Variants in C12orf60 observed in about 807,000 individuals in gnomAD.
C12orf60 encodes chromosome 12 open reading frame 60.
For missense variants in C12orf60, 284 were observed against 283.2 expected (o/e 1.00, Z -0.02); for synonymous variants, 102 against 94.6 (o/e 1.08, Z -0.45).
intron 1 of C12orf60, among the ~76,000 whole-genome samples, chr12:14,809,071 A>T (rs1950098017): frequency 6.6e-6 from 1 of 152,186 alleles, no homozygotes; most frequent in Non-Finnish European, 1.5e-5. Flanking sequence ...GACAGGAGAA[A>T]ATTAGCTATA....
intron 1 of C12orf60, among the ~76,000 whole-genome samples, chr12:14,808,853 CT>C (rs1950094775): frequency 6.6e-6 from 1 of 152,200 alleles, no homozygotes; most frequent in Non-Finnish European, 1.5e-5. Context: ...AGAAAATTTC[CT>C]AATCCAATTC....
intron 1 of C12orf60, chr12:14,814,075 T>A (rs1295712308): frequency 3.3e-5 from 5 of 152,192 alleles, no homozygotes; most frequent in Non-Finnish European, 7.3e-5. Flanking sequence ...CTCCTACTAC[T>A]GAGAAACAGA....
chr12:14,804,585 A>G (rs984097355), intron 1 of C12orf60: 3 of 152,244 alleles, frequency 2.0e-5, no homozygotes, highest in African/African-American at 7.2e-5. Flanking sequence ...GAAAGCAATG[A>G]CGAGATATTG....
At position 14,823,016 on chromosome 12, in the gene C12orf60, T is replaced by G. The variant is rs1176959220; in HGVS notation, c.81T>G (p.Ala27=). ...TCTTCTTTCATGTACAAGATCTTGC[T>G]TCTGTCATAAACACACTGACTGAAT... ...KMFFFHVQDL[A]SVINTLTELF... is the part of the protein sequence containing the mutation. The change falls in exon 2 of 2, where the codon GCT becomes GCG. Residue 27 remains alanine (A), a synonymous_variant. Coordinates refer to ENST00000330828, the MANE Select transcript of C12orf60 (RefSeq NM_175874.4). 1 of 1,612,658 alleles carries G rather than the reference T, an allele frequency of 6.2e-7. No individual in the cohort carries two copies. The highest frequency in any genetic ancestry group is 1.1e-5 in the South Asian group (1 of 91,048).
At chr12:14,803,922 C>G (rs1950006473) in intron 1 of C12orf60, among the ~76,000 whole-genome samples, 171 bp downstream of exon 1, 1 of 152,132 alleles carries the variant, frequency 6.6e-6, no homozygotes, top group Non-Finnish European at 1.5e-5. Context: ...TAACATTTGC[C>G]ACTGAGTTTA....
At chr12:14,819,750 GATATGATCAT>G (rs1477249058) in intron 1 of C12orf60, among the ~76,000 whole-genome samples, 1 of 152,038 alleles carries the variant, frequency 6.6e-6, no homozygotes, top group Non-Finnish European at 1.5e-5. Context: ...TGCATCTACT[GATATGATCAT>G]ATGGTTTTTC....
intron 1 of C12orf60, among the ~76,000 whole-genome samples, chr12:14,808,150 G>A (rs1204261550): frequency 1.3e-5 from 2 of 150,528 alleles, no homozygotes; most frequent in African/African-American, 4.9e-5. Context: ...GGGCAACAGA[G>A]CGAGACTTTG....
intron 1 of C12orf60, chr12:14,806,553 A>G: frequency 6.2e-7 from 1 of 1,614,170 alleles, no homozygotes; most frequent in Non-Finnish European, 8.5e-7. Flanking sequence ...GTGCATATTT[A>G]GAACCTCAGT....
chr12:14,807,638 A>AT (rs1950073728), intron 1 of C12orf60, among the ~76,000 whole-genome samples: 1 of 152,116 alleles, frequency 6.6e-6, no homozygotes, highest in African/African-American at 2.4e-5. Context: ...TCTTTAACAA[A>AT]TTTTTTCTTG....
chr12:14,812,875 G>A (rs1205519140), intron 1 of C12orf60, among the ~76,000 whole-genome samples: 1 of 152,096 alleles, frequency 6.6e-6, no homozygotes, highest in Non-Finnish European at 1.5e-5. Context: ...CATAGTGCTG[G>A]TATATTTCCC....
Position 14,823,547 on chromosome 12 carries a change from A to C in C12orf60, c.612A>C (p.Thr204=). 6.2e-7 allele frequency: 1 copy of C among 1,613,990 alleles called. No homozygotes were observed. The highest frequency in any genetic ancestry group is 8.5e-7 in the Non-Finnish European group (1 of 1,179,962). Reference sequence around the variant, plus strand: ...AAACTGAGGATTCCAAAAATCCCACAAAGTCAGCAGCAGATTTGTTGGAAC... The same window carrying C: ...AAACTGAGGATTCCAAAAATCCCACCAAGTCAGCAGCAGATTTGTTGGAAC... ...VLKTEDSKNP[T]KSAADLLEQI... The change falls in exon 2 of 2, where the codon ACA becomes ACC. Residue 204 remains threonine (T), a synonymous_variant. Coordinates refer to ENST00000330828, the MANE Select transcript of C12orf60 (RefSeq NM_175874.4).
At position 14,816,757 on chromosome 12, in the gene C12orf60, T is replaced by C. The variant is rs1023964196; in HGVS notation, c.-24-6155T>C. Among the ~76,000 whole-genome samples the C allele has an allele frequency of 4.6e-5, 7 of 151,302 alleles. No homozygotes were observed. The East Asian group carries it at 9.6e-4, about 21-fold the overall frequency. ...TCTTTATATTTTCTCTTTTTTTTTTTTTTTTGAGACAGAGTCTCACTCTGT... is the reference window on the plus strand; with the variant it reads ...TCTTTATATTTTCTCTTTTTTTTTTCTTTTTGAGACAGAGTCTCACTCTGT... On this transcript the variant is annotated intron_variant, in intron 1 of 1. Transcript: ENST00000330828.
chr12:14,805,868 A>T, intron 1 of C12orf60: 1 of 881,714 alleles, frequency 1.1e-6, no homozygotes, highest in Non-Finnish European at 1.7e-6. Context: ...TGGCATCTCC[A>T]GTTTCCCTCT....
At chr12:14,814,466 A>G (rs911095526) in intron 1 of C12orf60, among the ~76,000 whole-genome samples, 1 of 152,230 alleles carries the variant, frequency 6.6e-6, no homozygotes, top group African/African-American at 2.4e-5. Context: ...TCAATTTAGT[A>G]GAGAAGATGG....
chr12:14,823,514 T>C lies in C12orf60; in HGVS notation c.579T>C (p.Asp193=). The change falls in exon 2 of 2, where the codon GAT becomes GAC. Residue 193 remains aspartate, a synonymous_variant. Coordinates refer to ENST00000330828, the MANE Select transcript of C12orf60 (RefSeq NM_175874.4). ...TMIDTLKKLQ[D]VLKTEDSKNP... ...TAGACACCTTGAAAAAACTGCAGGA[T>C]GTACTAAAAACTGAGGATTCCAAAA... is the stretch of plus-strand genomic sequence containing the variant. 6.2e-7 allele frequency: 1 copy of C among 1,613,356 alleles called. No homozygotes were observed. Among genetic ancestry groups the C allele is most frequent in the Non-Finnish European group, 8.5e-7 (1 of 1,179,840 alleles).
Position 14,823,852 on chromosome 12 carries a change from T to G in C12orf60, c.*179T>G, listed in dbSNP as rs370195185. 4 of 475,418 alleles carry G rather than the reference T, an allele frequency of 8.4e-6. No individual in the cohort carries two copies. Among genetic ancestry groups the G allele is most frequent in the African/African-American group, 6.1e-5 (3 of 49,468 alleles). 29.4% of individuals were successfully genotyped at this position (475,418 alleles called of 1,614,324 possible). A position where few individuals can be genotyped will look rare whatever the true frequency, so the allele number is the denominator to read the frequency against. On this transcript the variant is annotated 3_prime_UTR_variant, in exon 2 of 2. Coordinates refer to ENST00000330828, the MANE Select transcript of C12orf60 (RefSeq NM_175874.4). ...CTTTATTAAAATAAAAAGAAATAAT[T>G]AAGAAAGCCTGTTTGAAATGTCAGT...
intron 1 of C12orf60, chr12:14,804,847 T>C (rs1950023554): frequency 6.6e-6 from 1 of 152,218 alleles, no homozygotes; most frequent in South Asian, 2.1e-4. Context: ...TGCTGAGCAG[T>C]TTTTATTTCA....
At chr12:14,819,548 A>C (rs1251797582) in intron 1 of C12orf60, among the ~76,000 whole-genome samples, 3 of 152,116 alleles carry the variant, frequency 2.0e-5, no homozygotes, top group Non-Finnish European at 4.4e-5. Context: ...TTCCAGTATG[A>C]TATTAAATAG....
chr12:14,807,745 GATT>G (rs1312718699), intron 1 of C12orf60, among the ~76,000 whole-genome samples: 2 of 152,090 alleles, frequency 1.3e-5, no homozygotes, highest in Non-Finnish European at 2.9e-5. Context: ...ATAATCATGT[GATT>G]ATTCTCCATT....
Sources: gnomAD v4.1 joint callset for allele counts (sites outside exome capture counted in the v4.1 genomes callset) on GRCh38, gnomAD v4.1.1 for gene constraint, MANE v1.5 for transcripts, NCBI Gene and HGNC (gene_info 2026-07-23, HGNC 2026-07-21) for gene names.